ADCY6: variants seen among roughly 807,000 people sequenced by gnomAD.
ADCY6 encodes the protein adenylate cyclase type 6.
Under a neutral mutation model 111.6 loss-of-function variants are expected in ADCY6, and 59 were observed. The observed-to-expected ratio is 0.53, with a 90% CI of 0.43 to 0.66. ADCY6 has a LOEUF of 0.66. Among genes scored for constraint, ADCY6 ranks in the 30% least tolerant of loss-of-function variants. ADCY6 has a pLI of 0.00. For synonymous variants in ADCY6, 576 were observed against 642.9 expected (o/e 0.90, Z 1.57); for missense variants, 1,242 against 1,595.6 (o/e 0.78, Z 3.78).
chr12:48,766,587 A>C lies in ADCY6; in HGVS notation c.*2004T>G, dbSNP rs1352509915. 6.6e-6 allele frequency: 1 copy of C among 152,606 alleles called. No homozygotes were observed. Among genetic ancestry groups the C allele is most frequent in the East Asian group, 1.9e-4 (1 of 5,200 alleles). 9.5% of individuals were successfully genotyped at this position (152,606 alleles called of 1,614,324 possible). Reference sequence around the variant, plus strand: ...GGGGAGTAGATTTTCTGTCTGGAAAACAAGTCTTTTCCCCTCCTTCTGCCA... The same window carrying C: ...GGGGAGTAGATTTTCTGTCTGGAAACCAAGTCTTTTCCCCTCCTTCTGCCA... On this transcript the variant is annotated 3_prime_UTR_variant, in exon 22 of 22. Transcript: ENST00000357869.
At position 48,774,956 on chromosome 12, in the gene ADCY6, C is replaced by T. The variant is rs1163889893; in HGVS notation, c.2078+1G>A. On this transcript the variant is annotated splice_donor_variant, in intron 12 of 21. Coordinates refer to ENST00000357869, the MANE Select transcript of ADCY6 (RefSeq NM_015270.5). LOFTEE classifies it high-confidence loss of function. ...TAAGAGAGGAAAGGCAGGGCTCTCA[C>T]TGTGGGAAGATGAGAAGCTGGATGA... The T allele has an allele frequency of 6.4e-7, 1 of 1,553,326 alleles. No individual in the cohort carries two copies.
chr12:48,772,492 C>T lies in ADCY6; in HGVS notation c.2657+16G>A, dbSNP rs758506851. 6 of 1,614,178 alleles carry T rather than the reference C, an allele frequency of 3.7e-6. No individual in the cohort carries two copies. The highest frequency in any genetic ancestry group is 3.3e-5 in the South Asian group (3 of 91,078). ...CTAATGGCTCTACCCTTTGCTGCCT[C>T]GGAGCCCTCACTTACCAGTCCAGCC... On this transcript the variant is annotated intron_variant, in intron 17 of 21. Coordinates refer to ENST00000357869, the MANE Select transcript of ADCY6 (RefSeq NM_015270.5).
intron 15 of ADCY6, 38 bp downstream of exon 15, chr12:48,773,902 A>G (rs780829232): frequency 6.2e-7 from 1 of 1,607,030 alleles, no homozygotes; most frequent in South Asian, 1.1e-5. Flanking sequence ...TGTCTGTGCC[A>G]GGACAGCCCC....
At position 48,782,515 on chromosome 12, in the gene ADCY6, T is replaced by C; in HGVS notation, c.864+56A>G. On this transcript the variant is annotated intron_variant, in intron 2 of 21. Transcript: ENST00000357869. This position sits in a 1 kb window ranked among gnomAD's most constrained non-coding sequence, Gnocchi z 4.3. ...TCCTCACTAAGCCCCCACCTGCTTA[T>C]GAGGTGAGAAATTCCCCACCTGCTG... is the stretch of plus-strand genomic sequence containing the variant. The C allele has an allele frequency of 6.4e-7, 1 of 1,555,434 alleles. No individual in the cohort carries two copies. Among genetic ancestry groups the C allele is most frequent in the Non-Finnish European group, 8.7e-7 (1 of 1,150,716 alleles).
At chr12:48,773,815 T>A in intron 15 of ADCY6, 125 bp downstream of exon 15, 1 of 1,451,234 alleles carries the variant, frequency 6.9e-7, no homozygotes, top group Non-Finnish European at 9.4e-7. Flanking sequence ...GGGCCCCTGG[T>A]TGCTCCTAGT....
intron 14 of ADCY6, 138 bp from the exon 15 acceptor site, chr12:48,774,236 C>T: frequency 9.3e-7 from 1 of 1,080,682 alleles, no homozygotes; most frequent in South Asian, 1.5e-5. Flanking sequence ...TCAGGGATGA[C>T]AAGAGGTTGG....
rs73296123 is a variant in ADCY6, at chr12:48,769,027, G to T, written c.3291C>A (p.Ile1097=). 6.2e-7 allele frequency: 1 copy of T among 1,612,722 alleles called. No individual in the cohort carries two copies. The highest frequency in any genetic ancestry group is 8.5e-7 in the Non-Finnish European group (1 of 1,179,412). Residue 1097 remains isoleucine (I), a synonymous_variant, in exon 21 of 22, where the codon ATC becomes ATA. Transcript: ENST00000357869. ...TGTCATACTGTGGCTTCCGAGCCCC[G>T]ATGACACCTGCCACGACTGGGCCCA... ...LNMGPVVAGV[I]GARKPQYDIW...
intron 20 of ADCY6, among the ~76,000 whole-genome samples, chr12:48,769,784 C>G (rs1203842165): frequency 7.3e-6 from 1 of 136,922 alleles, no homozygotes; most frequent in Non-Finnish European, 1.6e-5. Context: ...TTGGGGGGGA[C>G]AGAGTCTCGC....
In ADCY6 at chr12:48,783,200, C is replaced by G; in HGVS notation, c.235G>C (p.Gly79Arg). The G allele has an allele frequency of 6.2e-7, 1 of 1,607,192 alleles. No homozygotes were observed. Among genetic ancestry groups the G allele is most frequent in the Non-Finnish European group, 8.5e-7 (1 of 1,179,692 alleles). The change falls in exon 2 of 22, where the codon GGC (glycine) becomes CGC (arginine). Residue 79 changes from glycine (G) to arginine (R), a missense_variant. Physicochemically the swap from Gly to Arg is moderately radical, Grantham distance 125. This residue lies in a region of ADCY6 where 362 missense variants were observed against 377.2 expected (regional missense o/e 0.96). Coordinates refer to ENST00000357869, the MANE Select transcript of ADCY6 (RefSeq NM_015270.5). ...AFIRRGGPGK[G>R]KELGLRAVAL... ...ACTGCCCGCAGCCCCAGCTCCTTGC[C>G]CTTGCCTGGGCCGCCCCTCCGGATG... is the stretch of plus-strand genomic sequence containing the variant.
intron 1 of ADCY6, among the ~76,000 whole-genome samples, chr12:48,788,179 G>A (rs1218005864): frequency 6.6e-6 from 1 of 152,122 alleles, no homozygotes; most frequent in Non-Finnish European, 1.5e-5. Context: ...TGTCGGTCCA[G>A]TGCCCGCTGC....
At chr12:48,781,069 GCT>G (rs1565650252) in intron 2 of ADCY6, among the ~76,000 whole-genome samples, 2 of 151,908 alleles carry the variant, frequency 1.3e-5, no homozygotes, top group African/African-American at 4.8e-5. Flanking sequence ...ATGGTGGCGC[GCT>G]CCTGTAGTCC....
Position 48,777,968 on chromosome 12 carries a change from T to A in ADCY6, c.1014+140A>T. 3.8e-6 allele frequency: 5 copies of A among 1,316,110 alleles called. 1 individual carries two copies. In the South Asian group the frequency reaches 7.3e-5, roughly 19 times the overall value. The allele number at this position is 1,316,110 out of a possible 1,614,324, so 81.5% of individuals were successfully genotyped here. A position where few individuals can be genotyped will look rare whatever the true frequency, so the allele number is the denominator to read the frequency against. ...TCCCTTGGACAGGACAAAACCCCAG[T>A]ATCACAGGGCCTCTGTGACGCACAA... is the stretch of plus-strand genomic sequence containing the variant. On this transcript the variant is annotated intron_variant, in intron 3 of 21. Coordinates refer to ENST00000357869, the MANE Select transcript of ADCY6 (RefSeq NM_015270.5). This position sits in a 1 kb window ranked among gnomAD's most constrained non-coding sequence, Gnocchi z 4.9.
rs375042832 is a variant in ADCY6 at position 48,776,407 on chromosome 12, C to G, written c.1535+21G>C. On this transcript the variant is annotated intron_variant, in intron 7 of 21. Coordinates refer to ENST00000357869, the MANE Select transcript of ADCY6 (RefSeq NM_015270.5). This position sits in a 1 kb window ranked among gnomAD's most constrained non-coding sequence, Gnocchi z 6.1. ...TCTCCCACCTTGCCCCCATCCCCCC[C>G]ACCTGGACCCCCCTACTCACCCAGC... is the stretch of plus-strand genomic sequence containing the variant. The G allele has an allele frequency of 2.2e-5, 36 of 1,612,496 alleles. No individual in the cohort carries two copies. Among genetic ancestry groups the G allele is most frequent in the East Asian group, 1.1e-4 (5 of 44,876 alleles).
chr12:48,774,094 G>A lies in ADCY6; in HGVS notation c.2288C>T (p.Thr763Ile), dbSNP rs1240933585. 6.2e-7 allele frequency: 1 copy of A among 1,607,256 alleles called. No individual in the cohort carries two copies. Among genetic ancestry groups the A allele is most frequent in the Non-Finnish European group, 8.5e-7 (1 of 1,176,460 alleles). Residue 763 changes from threonine to isoleucine, a missense_variant, in exon 15 of 22, where the codon ACC becomes ATC. Thr to Ile is a moderately conservative substitution (Grantham distance 89). Coordinates refer to ENST00000357869, the MANE Select transcript of ADCY6 (RefSeq NM_015270.5). ...GCTCCGTATGGGGGTGTGGTTACAG[G>A]TGAACTGCAAAAGTGGAGGGGTATA... ...VFTSAIANMF[T>I]CNHTPIRSCA...
chr12:48,787,899 C>A (rs1942009535), intron 1 of ADCY6, among the ~76,000 whole-genome samples: 1 of 152,200 alleles, frequency 6.6e-6, no homozygotes, highest in Admixed American at 6.5e-5. Context: ...AAGGCCAAGG[C>A]CCAGCCCTAA....
Position 48,776,621 on chromosome 12 carries a change from G to C in ADCY6, c.1377-35C>G. 6.3e-7 allele frequency: 1 copy of C among 1,579,296 alleles called. No homozygotes were observed. Among genetic ancestry groups the C allele is most frequent in the Non-Finnish European group, 8.6e-7 (1 of 1,165,212 alleles). On this transcript the variant is annotated intron_variant, in intron 6 of 21. Coordinates refer to ENST00000357869, the MANE Select transcript of ADCY6 (RefSeq NM_015270.5). This position sits in a 1 kb window ranked among gnomAD's most constrained non-coding sequence, Gnocchi z 6.1. Reference sequence around the variant, plus strand: ...TGCAGCCCCAGATCAGCTCCTGGCAGTCTTCCCCTCCCCCAGCCCACAACC... The same window carrying C: ...TGCAGCCCCAGATCAGCTCCTGGCACTCTTCCCCTCCCCCAGCCCACAACC...
At chr12:48,788,360 T>C (rs1942019897) in intron 1 of ADCY6, among the ~76,000 whole-genome samples, 1 of 152,116 alleles carries the variant, frequency 6.6e-6, no homozygotes, top group South Asian at 2.1e-4. Context: ...AGCCTTTCAG[T>C]CGAGCCCCAG....
chr12:48,771,876 G>T lies in ADCY6; in HGVS notation c.2885C>A (p.Ala962Asp), dbSNP rs563129186. The T allele has an allele frequency of 6.2e-7, 1 of 1,614,156 alleles. No individual in the cohort carries two copies. Among genetic ancestry groups the T allele is most frequent in the South Asian group, 1.1e-5 (1 of 91,088 alleles). ...LPKDVAAHFL[A>D]RERRNDELYY... ...GAGTTCATCATTGCGGCGCTCCCGG[G>T]CCAGGAAGTGGGCCGCCACGTCCTT... Residue 962 changes from alanine (A) to aspartate (D), a missense_variant, in exon 19 of 22, where the codon GCC becomes GAC. This residue lies in a region of ADCY6 where 245 missense variants were observed against 371.3 expected (regional missense o/e 0.66). Transcript: ENST00000357869. The surrounding 1 kb of genome is among the most constrained non-coding windows in gnomAD (Gnocchi z 4.3).
chr12:48,778,488 A>G (rs1025662682), intron 2 of ADCY6: 76 of 540,710 alleles, frequency 1.4e-4, no homozygotes, highest in Admixed American at 6.5e-5. Context: ...AGATCTTTTC[A>G]CAGCTTCTGG....
Sources: gnomAD v4.1 joint callset for allele counts (sites outside exome capture counted in the v4.1 genomes callset) on GRCh38, gnomAD v4.1.1 for gene constraint, gnomAD v4.1.1 regional missense constraint, Gnocchi (gnomAD v3.1) non-coding constraint, MANE v1.5 for transcripts, NCBI Gene and HGNC (gene_info 2026-07-23, HGNC 2026-07-21) for gene names.